UGT2B28: variants seen among roughly 807,000 people sequenced by gnomAD.
UGT2B28 encodes UDP glucuronosyltransferase family 2 member B28.
A neutral mutation model predicts 43.6 loss-of-function variants in UGT2B28; 45 were observed. That is an observed-to-expected ratio of 1.03 (90% CI 0.81 to 1.32). The LOEUF is 1.32. Ranked by LOEUF, UGT2B28 falls within the 40% of genes most tolerant of loss-of-function variation. The pLI is 0.00. For synonymous variants in UGT2B28, 204 were observed against 208.1 expected (o/e 0.98, Z 0.17); for missense variants, 649 against 625.5 (o/e 1.04, Z -0.40).
At position 69,280,752 on chromosome 4, in the gene UGT2B28, T is replaced by C; in HGVS notation, c.252T>C (p.Thr84=). Residue 84 remains threonine (T), a synonymous_variant, in exon 1 of 6, where the codon ACT becomes ACC. Coordinates refer to ENST00000335568, the MANE Select transcript of UGT2B28 (RefSeq NM_053039.2). The part of the protein sequence containing the change: ...LEVYPTSLTK[T]EFENIIMQQV... Reference sequence around the variant, plus strand: ...TTTATCCTACATCTTTAACTAAAACTGAATTTGAGAATATCATCATGCAAC... The same window carrying C: ...TTTATCCTACATCTTTAACTAAAACCGAATTTGAGAATATCATCATGCAAC... The C allele has an allele frequency of 6.4e-7, 1 of 1,564,070 alleles. No homozygotes were observed. Among genetic ancestry groups the C allele is most frequent in the Non-Finnish European group, 8.6e-7 (1 of 1,157,232 alleles).
rs1450489052 is a variant in UGT2B28 at position 69,286,726 on chromosome 4, T to C, written c.871-26T>C. 2.6e-6 allele frequency: 4 copies of C among 1,551,876 alleles called. 1 individual carries two copies. The African/African-American group carries it at 4.6e-5, about 18-fold the overall frequency. On this transcript the variant is annotated intron_variant, in intron 2 of 5. Transcript: ENST00000335568. ...AGTGCCTGCTGTGGTGATACTCTTTTGTGATTAAACAATTTTTTTTCACAG... is the reference window on the plus strand; with the variant it reads ...AGTGCCTGCTGTGGTGATACTCTTTCGTGATTAAACAATTTTTTTTCACAG...
Position 69,280,953 on chromosome 4 carries a change from T to C in UGT2B28, c.453T>C (p.Asp151=), listed in dbSNP as rs770416423. Residue 151 remains aspartate (D), a synonymous_variant, in exon 1 of 6, where the codon GAT becomes GAC. Coordinates refer to ENST00000335568, the MANE Select transcript of UGT2B28 (RefSeq NM_053039.2). ...CAAGATTTGACATCATTTTTGCAGA[T>C]GCTTTTTTTCCTTGTGGTGAGCTGC... ...QESRFDIIFA[D]AFFPCGELLA... 7.0e-6 allele frequency: 11 copies of C among 1,560,482 alleles called. 2 individuals carry two copies. The highest frequency in any genetic ancestry group is 1.2e-5 in the South Asian group (1 of 84,346).
rs1253225681 is a variant in UGT2B28, at chr4:69,280,509, G to A, written c.9G>A (p.Leu3=). The A allele has an allele frequency of 6.4e-7, 1 of 1,554,126 alleles. No individual in the cohort carries two copies. Among genetic ancestry groups the A allele is most frequent in the East Asian group, 2.3e-5 (1 of 43,568 alleles). Residue 3 remains leucine (L), a synonymous_variant, in exon 1 of 6, where the codon CTG becomes CTA. Transcript: ENST00000335568. MA[L]KWTSVLLLIH... is the part of the protein sequence containing the mutation. The stretch of plus-strand genomic sequence containing the variant: ...GATTGCATTGCACCAGGATGGCTCT[G>A]AAGTGGACTTCAGTTCTTCTGCTGA...
At chr4:69,286,183 C>G (rs1169925033) in intron 2 of UGT2B28, among the ~76,000 whole-genome samples, 1 of 141,084 alleles carries the variant, frequency 7.1e-6, no homozygotes, top group Admixed American at 7.1e-5. Flanking sequence ...CTGGAAAACT[C>G]TGACAAACTT....
Position 69,284,578 on chromosome 4 carries a change from C to T in UGT2B28, c.870+1916C>T, listed in dbSNP as rs1384450084. Among the ~76,000 whole-genome samples the T allele has an allele frequency of 8.7e-4, 122 of 139,622 alleles. 16 individuals carry two copies. Among genetic ancestry groups the T allele is most frequent in the Non-Finnish European group, 1.8e-4 (12 of 65,546 alleles). 91.6% of individuals were successfully genotyped at this position (139,622 alleles called of 152,430 possible). A position where few individuals can be genotyped will look rare whatever the true frequency, so the allele number is the denominator to read the frequency against. On this transcript the variant is annotated intron_variant, in intron 2 of 5. Coordinates refer to ENST00000335568, the MANE Select transcript of UGT2B28 (RefSeq NM_053039.2). ...ACTACTCTTGAAAGATTTCCCCATTCACATTAAGGGAAACTGACAGTGCAA... is the reference window on the plus strand; with the variant it reads ...ACTACTCTTGAAAGATTTCCCCATTTACATTAAGGGAAACTGACAGTGCAA...
At chr4:69,291,804 A>G (rs1723963459) in intron 5 of UGT2B28, among the ~76,000 whole-genome samples, 1 of 140,486 alleles carries the variant, frequency 7.1e-6, no homozygotes, top group African/African-American at 2.8e-5. Context: ...ACTGTTTTCC[A>G]AAGTAATTGT....
rs41292947 is a variant in UGT2B28, at chr4:69,294,500, A to G, written c.1311-30A>G. On this transcript the variant is annotated intron_variant, in intron 5 of 5. Coordinates refer to ENST00000335568, the MANE Select transcript of UGT2B28 (RefSeq NM_053039.2). ...CATACAGGCCAGTTAACTTACTTTC[A>G]GTGTTGGTATCTTTATTTTTATCCT... 2.7e-6 allele frequency: 4 copies of G among 1,498,854 alleles called. 1 individual carries two copies. The African/African-American group carries it at 4.7e-5, about 18-fold the overall frequency. The allele number at this position is 1,498,854 out of a possible 1,614,324, so 92.8% of individuals were successfully genotyped here. A position where few individuals can be genotyped will look rare whatever the true frequency, so the allele number is the denominator to read the frequency against.
rs1487194990 is a variant in UGT2B28 at position 69,294,531 on chromosome 4, T to C, written c.1312T>C (p.Tyr438His). The C allele has an allele frequency of 1.8e-5, 27 of 1,538,934 alleles. 7 individuals carry two copies. In the Admixed American group the frequency reaches 2.6e-4, roughly 15 times the overall value. The part of the protein sequence containing the change: ...ALKTVINDPS[Y>H]KENVMKLSII... ...GGTATCTTTATTTTTATCCTTCAGA[T>C]ATAAAGAGAATGTTATGAAATTATC... Residue 438 changes from tyrosine to histidine, a missense_variant and splice_region_variant, in exon 6 of 6, where the codon TAT (tyrosine) becomes CAT (histidine). By Grantham distance (83) the Tyr-to-His change is moderately conservative. Transcript: ENST00000335568.
intron 1 of UGT2B28, 116 bp from the exon 2 acceptor site, chr4:69,282,398 T>C (rs1183766772): frequency 4.6e-6 from 5 of 1,079,536 alleles, no homozygotes; most frequent in Non-Finnish European, 6.2e-6. Flanking sequence ...TATATATTTT[T>C]CAAAGCACAC....
chr4:69,287,926 T>C (rs1224007772), intron 3 of UGT2B28, among the ~76,000 whole-genome samples: 1 of 140,934 alleles, frequency 7.1e-6, no homozygotes, highest in African/African-American at 2.8e-5. Context: ...TTAAACACTG[T>C]AAATTATTGT....
intron 1 of UGT2B28, among the ~76,000 whole-genome samples, chr4:69,282,064 A>T (rs1229180787): frequency 1.4e-5 from 2 of 140,158 alleles, no homozygotes; most frequent in African/African-American, 5.6e-5. Flanking sequence ...AGTTCACTTG[A>T]AGAACCAAAG....
At position 69,294,940 on chromosome 4, in the gene UGT2B28, C is replaced by A. The variant is rs1303545186; in HGVS notation, c.*131C>A. The A allele has an allele frequency of 9.7e-6, 12 of 1,237,722 alleles. 1 individual carries two copies. Among genetic ancestry groups the A allele is most frequent in the Admixed American group, 3.5e-5 (1 of 28,306 alleles). 76.7% of individuals were successfully genotyped at this position (1,237,722 alleles called of 1,614,324 possible). On this transcript the variant is annotated 3_prime_UTR_variant, in exon 6 of 6. Coordinates refer to ENST00000335568, the MANE Select transcript of UGT2B28 (RefSeq NM_053039.2). ...AAAAAAAAAAACTTTTCAAAATCTA[C>A]CTTGTCAAGTAAAAATTTGTTTTTC...
chr4:69,294,744 A>G lies in UGT2B28; in HGVS notation c.1525A>G (p.Thr509Ala). The G allele has an allele frequency of 6.4e-7, 1 of 1,559,668 alleles. No homozygotes were observed. Among genetic ancestry groups the G allele is most frequent in the Non-Finnish European group, 8.7e-7 (1 of 1,155,262 alleles). Residue 509 changes from threonine (T) to alanine (A), a missense_variant, in exon 6 of 6, where the codon ACA becomes GCA. Physicochemically the swap from Thr to Ala is moderately conservative, Grantham distance 58. Transcript: ENST00000335568. ...TGTGGCAACTGTGATATTTGTCGTC[A>G]CAAAGTTTTGTCTGTTTTGTTTCTG... The part of the protein sequence containing the change: ...ACVATVIFVV[T>A]KFCLFCFWKF...
Position 69,288,790 on chromosome 4 carries a change from T to C in UGT2B28, c.1003-875T>C, listed in dbSNP as rs1211756537. ...TCTCAGTGTATGTTGTTGCCATCTATGTATCCACGTGTTCTCATCTTTTAG... is the reference window on the plus strand; with the variant it reads ...TCTCAGTGTATGTTGTTGCCATCTACGTATCCACGTGTTCTCATCTTTTAG... On this transcript the variant is annotated intron_variant, in intron 3 of 5. Coordinates refer to ENST00000335568, the MANE Select transcript of UGT2B28 (RefSeq NM_053039.2). Among the ~76,000 whole-genome samples, 2 of 140,036 alleles carry C rather than the reference T, an allele frequency of 1.4e-5. 1 individual carries two copies. Among genetic ancestry groups the C allele is most frequent in the Non-Finnish European group, 3.0e-5 (2 of 65,672 alleles). 91.9% of individuals were successfully genotyped at this position (140,036 alleles called of 152,430 possible).
rs759634172 is a variant in UGT2B28, at chr4:69,280,648, G to C, written c.148G>C (p.Gly50Arg). 6.4e-7 allele frequency: 1 copy of C among 1,561,136 alleles called. No homozygotes were observed. The change falls in exon 1 of 6, where the codon GGT becomes CGT. Residue 50 changes from glycine to arginine, a missense_variant. Physicochemically the swap from Gly to Arg is moderately radical, Grantham distance 125. Coordinates refer to ENST00000335568, the MANE Select transcript of UGT2B28 (RefSeq NM_053039.2). ...KTILKELVQR[G>R]HEVTVLASSA... ...AATCCTGAAAGAGCTTGTTCAGAGA[G>C]GTCATGAGGTGACTGTACTGGCATC...
At position 69,285,549 on chromosome 4, in the gene UGT2B28, C is replaced by T. The variant is rs185674045; in HGVS notation, c.871-1203C>T. Among the ~76,000 whole-genome samples, 9 of 139,954 alleles carry T rather than the reference C, an allele frequency of 6.4e-5. 2 individuals are homozygous for T. In the East Asian group the frequency reaches 1.8e-3, roughly 29 times the overall value. The allele number at this position is 139,954 out of a possible 152,430, so 91.8% of individuals were successfully genotyped here. ...CAACACCTAGAAGCCCCAGGTATTA[C>T]GTGGAATAGTAGTACAAGGACTCTC... On this transcript the variant is annotated intron_variant, in intron 2 of 5. Coordinates refer to ENST00000335568, the MANE Select transcript of UGT2B28 (RefSeq NM_053039.2).
chr4:69,289,855 C>T, intron 4 of UGT2B28, 103 bp downstream of exon 4: 2 of 1,220,498 alleles, frequency 1.6e-6, no homozygotes, highest in Non-Finnish European at 2.2e-6. Flanking sequence ...TATAGGAAAA[C>T]AAAAAGAACT....
chr4:69,287,141 T>G lies in UGT2B28; in HGVS notation c.1002+258T>G, dbSNP rs184967506. Among the ~76,000 whole-genome samples, 399 of 140,080 alleles carry G rather than the reference T, an allele frequency of 2.8e-3. 80 individuals carry two copies. Among genetic ancestry groups the G allele is most frequent in the African/African-American group, 0.01 (371 of 35,804 alleles). 91.9% of individuals were successfully genotyped at this position (140,080 alleles called of 152,430 possible). Reference sequence around the variant, plus strand: ...ACCAGTGGGAACTCAGTACTCCATATGTATCCACAAAAGGGAACTTGAGAC... The same window carrying G: ...ACCAGTGGGAACTCAGTACTCCATAGGTATCCACAAAAGGGAACTTGAGAC... On this transcript the variant is annotated intron_variant, in intron 3 of 5. Transcript: ENST00000335568.
At chr4:69,286,958 A>G in intron 3 of UGT2B28, 75 bp downstream of exon 3, 6 of 1,523,410 alleles carry the variant, frequency 3.9e-6, no homozygotes, top group Middle Eastern at 1.9e-4. Context: ...CACAGAAAGA[A>G]TATTAAGGCT....
Sources: allele counts gnomAD v4.1 joint callset (sites outside exome capture counted in the v4.1 genomes callset), GRCh38; gene constraint gnomAD v4.1.1; transcripts MANE v1.5; gene names NCBI Gene and HGNC (gene_info 2026-07-23, HGNC 2026-07-21).